CCDC88C: variants seen among roughly 807,000 people sequenced by gnomAD.
The protein encoded by CCDC88C is protein Daple.
CCDC88C carries 131 observed loss-of-function variants against 198.8 expected under a neutral mutation model. That is an observed-to-expected ratio of 0.66 (90% CI 0.57 to 0.76). The LOEUF (loss-of-function observed/expected upper bound fraction) is 0.76. CCDC88C is among the 30% of genes least tolerant of loss of function. The pLI, the probability that CCDC88C is intolerant of heterozygous loss-of-function variation, is 0.00. For missense variants in CCDC88C, 2,553 were observed against 2,631.6 expected, an observed-to-expected ratio of 0.97 and a Z score of 0.65; for synonymous variants, 1,166 against 1,114.7, an observed-to-expected ratio of 1.05 and a Z score of -0.92.
At chr14:91,336,178 T>C (rs141341685) in intron 10 of CCDC88C, among the ~76,000 whole-genome samples, 4 of 152,334 alleles carry the variant, frequency 2.6e-5, no homozygotes, top group African/African-American at 7.2e-5. Context: ...CTGGAGATGA[T>C]GGAAACCTCT....
chr14:91,303,721 C>A lies in CCDC88C; in HGVS notation c.3615G>T (p.Glu1205Asp). 3.1e-6 allele frequency: 5 copies of A among 1,599,312 alleles called. No individual in the cohort carries two copies. The highest frequency in any genetic ancestry group is 4.3e-6 in the Non-Finnish European group (5 of 1,171,472). ...LKTLHRNLEL[E>D]HKELGERHGD... ...CCTACCTCTCCCCGAGCTCCTTGTGCTCCAGCTCCAGATTCCGATGCAGTG... is the reference window on the plus strand; with the variant it reads ...CCTACCTCTCCCCGAGCTCCTTGTGATCCAGCTCCAGATTCCGATGCAGTG... Residue 1205 changes from glutamate (E) to aspartate (D), a missense_variant, in exon 20 of 30, where the codon GAG becomes GAT. Around this residue, in one of 2 missense-constraint regions of CCDC88C, gnomAD observed 1,293 missense variants for 1,219.6 expected, o/e 1.06. Transcript: ENST00000389857.
rs1157641780 is a variant in CCDC88C, at chr14:91,294,194, T to C, written c.4091A>G (p.His1364Arg). 2 of 1,614,040 alleles carry C rather than the reference T, an allele frequency of 1.2e-6. No homozygotes were observed. Reference sequence around the variant, plus strand: ...TTACATGTACTGCTTCTGCTCCTCATGGTACTGCTCCTTGTTCTCCATGTT... The same window carrying C: ...TTACATGTACTGCTTCTGCTCCTCACGGTACTGCTCCTTGTTCTCCATGTT... Reference protein sequence around the residue: ...EQNMENKEQYHEEQKQYIDKL... With the variant: ...EQNMENKEQYREEQKQYIDKL... The change falls in exon 23 of 30, where the codon CAT becomes CGT. Residue 1364 changes from histidine (H) to arginine (R), a missense_variant. Coordinates refer to ENST00000389857, the MANE Select transcript of CCDC88C (RefSeq NM_001080414.4).
Position 91,289,284 on chromosome 14 carries a change from C to A in CCDC88C, c.4262G>T (p.Gly1421Val). Residue 1421 changes from glycine (G) to valine (V), a missense_variant, in exon 25 of 30, where the codon GGT becomes GTT. Physicochemically the swap from Gly to Val is moderately radical, Grantham distance 109. This residue lies in a region of CCDC88C where 1,293 missense variants were observed against 1,219.6 expected (regional missense o/e 1.06). Transcript: ENST00000389857. ...LVKLIKPKKE[G>V]SRERLKSTVD... ...GGTGGATTTTAAGCGTTCCCTCGAA[C>A]CCTCTTTCTTTGGTTTGATGAGTTT... The A allele has an allele frequency of 6.2e-7, 1 of 1,614,060 alleles. No homozygotes were observed. The highest frequency in any genetic ancestry group is 8.5e-7 in the Non-Finnish European group (1 of 1,179,898).
chr14:91,378,094 T>C (rs1024654783), intron 3 of CCDC88C, among the ~76,000 whole-genome samples: 2 of 152,162 alleles, frequency 1.3e-5, no homozygotes, highest in African/African-American at 2.4e-5. Context: ...ACCAGCTCAT[T>C]AAAAGACACA....
chr14:91,282,373 G>GT (rs1890233909), intron 26 of CCDC88C, among the ~76,000 whole-genome samples: 3 of 152,184 alleles, frequency 2.0e-5, no homozygotes, highest in Non-Finnish European at 4.4e-5. Flanking sequence ...TCCTTCAGCT[G>GT]TTTCTTTGGA....
chr14:91,282,348 G>A (rs1228964970), intron 26 of CCDC88C, among the ~76,000 whole-genome samples: 1 of 152,134 alleles, frequency 6.6e-6, no homozygotes, highest in Non-Finnish European at 1.5e-5. Context: ...CACCCCAAAG[G>A]CAATCACTTT....
chr14:91,411,767 A>C (rs1039766626), intron 2 of CCDC88C, among the ~76,000 whole-genome samples: 2 of 152,184 alleles, frequency 1.3e-5, no homozygotes, highest in African/African-American at 4.8e-5. Flanking sequence ...GTTCGAGACC[A>C]GCCTGGCCAA....
intron 3 of CCDC88C, chr14:91,384,253 A>C (rs1884985227): frequency 2.8e-6 from 1 of 361,610 alleles, no homozygotes; most frequent in Non-Finnish European, 5.3e-6. Flanking sequence ...CCTGATCAAC[A>C]TAGCGAGACC....
Position 91,273,706 on chromosome 14 carries a change from T to G in CCDC88C, c.5059-53A>C. The G allele has an allele frequency of 2.2e-6, 3 of 1,382,578 alleles. No individual in the cohort carries two copies. Among genetic ancestry groups the G allele is most frequent in the Non-Finnish European group, 2.8e-6 (3 of 1,055,234 alleles). The allele number at this position is 1,382,578 out of a possible 1,614,324, so 85.6% of individuals were successfully genotyped here. A position where few individuals can be genotyped will look rare whatever the true frequency, so the allele number is the denominator to read the frequency against. ...GTGGGCATGAGGGTTGGGTGGGTCC[T>G]TGGAGCCGCCTCCTGCGCGGGACGC... On this transcript the variant is annotated intron_variant, in intron 29 of 29. Transcript: ENST00000389857. The surrounding 1 kb of genome is among the most constrained non-coding windows in gnomAD (Gnocchi z 5.6).
At chr14:91,285,251 TAA>T in intron 25 of CCDC88C, 1 of 246,700 alleles carries the variant, frequency 4.1e-6, no homozygotes, top group Non-Finnish European at 8.4e-6. Context: ...TGCTTAAAAA[TAA>T]GTCTTAAAAA....
At chr14:91,366,165 C>CAA (rs1473259001) in intron 3 of CCDC88C, among the ~76,000 whole-genome samples, 9 of 131,660 alleles carry the variant, frequency 6.8e-5, no homozygotes, top group African/African-American at 3.7e-4. Flanking sequence ...CACACACACA[C>CAA]ACACACACAC....
chr14:91,294,799 A>C (rs2139760111), intron 22 of CCDC88C, among the ~76,000 whole-genome samples: 1 of 152,294 alleles, frequency 6.6e-6, no homozygotes, highest in East Asian at 1.9e-4. Context: ...CTGGGATTAC[A>C]GGCGCGTGCC....
intron 3 of CCDC88C, chr14:91,379,778 G>T: frequency 2.9e-6 from 2 of 700,638 alleles, no homozygotes; most frequent in Admixed American, 4.0e-5. Flanking sequence ...CTCCTGCGGG[G>T]GTGTCTTGTT....
chr14:91,358,027 G>C (rs749280929), intron 4 of CCDC88C, among the ~76,000 whole-genome samples: 2 of 152,204 alleles, frequency 1.3e-5, no homozygotes, highest in African/African-American at 2.4e-5. Flanking sequence ...GAGCACTGAA[G>C]ACTATCAGGG....
chr14:91,390,401 C>T (rs1885435480), intron 3 of CCDC88C, among the ~76,000 whole-genome samples: 1 of 152,216 alleles, frequency 6.6e-6, no homozygotes, highest in Non-Finnish European at 1.5e-5. Context: ...TCACTCAGTG[C>T]AACACCGAAA....
chr14:91,297,299 C>T lies in CCDC88C; in HGVS notation c.3966+6G>A. 6.2e-7 allele frequency: 1 copy of T among 1,612,058 alleles called. No homozygotes were observed. Among genetic ancestry groups the T allele is most frequent in the South Asian group, 1.1e-5 (1 of 90,556 alleles). ...TCTCCCGAGGCTCCCCTGGCGCTGG[C>T]CTCACCTCACAGTGGTTGTCCAGCT... is the stretch of plus-strand genomic sequence containing the variant. On this transcript the variant is annotated splice_donor_region_variant and intron_variant, in intron 22 of 29. Transcript: ENST00000389857.
intron 10 of CCDC88C, among the ~76,000 whole-genome samples, chr14:91,334,063 C>A (rs867952979): frequency 2.3e-4 from 35 of 152,296 alleles, no homozygotes; most frequent in African/African-American, 8.2e-4. Flanking sequence ...GTATCACACA[C>A]ACCCATACAC....
At chr14:91,398,558 G>A (rs752414568) in intron 3 of CCDC88C, among the ~76,000 whole-genome samples, 10 of 152,080 alleles carry the variant, frequency 6.6e-5, no homozygotes, top group Admixed American at 1.3e-4. Context: ...TTGGTAGATT[G>A]AGGCTGGAGG....
rs370958266 is a variant in CCDC88C at position 91,272,593 on chromosome 14, T to C, written c.*32A>G. On this transcript the variant is annotated 3_prime_UTR_variant, in exon 30 of 30. Coordinates refer to ENST00000389857, the MANE Select transcript of CCDC88C (RefSeq NM_001080414.4). ...TGAGAGTCGGAAGGCGCGTCAGTAG[T>C]TTTCAGGTTTGCGAGCTCAACCACG... is the stretch of plus-strand genomic sequence containing the variant. 1.9e-6 allele frequency: 3 copies of C among 1,580,086 alleles called. No individual in the cohort carries two copies. The highest frequency in any genetic ancestry group is 2.6e-6 in the Non-Finnish European group (3 of 1,164,156).
Sources: gnomAD v4.1 joint callset for allele counts (sites outside exome capture counted in the v4.1 genomes callset) on GRCh38, gnomAD v4.1.1 for gene constraint, gnomAD v4.1.1 regional missense constraint, Gnocchi (gnomAD v3.1) non-coding constraint, MANE v1.5 for transcripts, NCBI Gene and HGNC (gene_info 2026-07-23, HGNC 2026-07-21) for gene names.